MED12L: variants seen among roughly 807,000 people sequenced by gnomAD.
The protein encoded by MED12L is mediator of RNA polymerase II transcription subunit 12-like protein.
Under a neutral mutation model 281.3 loss-of-function variants are expected in MED12L, and 60 were observed. That is an observed-to-expected ratio of 0.21 (90% confidence interval 0.17 to 0.26). The LOEUF is 0.26. Among genes scored for constraint, MED12L ranks in the 10% least tolerant of loss-of-function variants. MED12L has a pLI of 1.00. For synonymous variants in MED12L, 974 were observed against 987.2 expected (o/e 0.99, Z 0.25); for missense variants, 2,146 against 2,680.9 (o/e 0.80, Z 4.41).
chr3:151,394,857 C>G lies in MED12L; in HGVS notation c.5810C>G (p.Pro1937Arg). ...QRLLRQAQTR[P>R]FQQGQPGDQA... ...CTTCTCAGGCAAGCCCAGACTCGGCCTTTCCAACAGGTTTGTCCAGACCCC... is the reference window on the plus strand; with the variant it reads ...CTTCTCAGGCAAGCCCAGACTCGGCGTTTCCAACAGGTTTGTCCAGACCCC... The change falls in exon 39 of 45, where the codon CCT (proline) becomes CGT (arginine). Residue 1937 changes from proline to arginine, a missense_variant. Transcript: ENST00000687756. 2 of 1,614,024 alleles carry G rather than the reference C, an allele frequency of 1.2e-6. No individual in the cohort carries two copies. The highest frequency in any genetic ancestry group is 1.1e-5 in the South Asian group (1 of 91,072).
At chr3:151,235,719 A>G (rs555513636) in intron 16 of MED12L, among the ~76,000 whole-genome samples, 10 of 107,476 alleles carry the variant, frequency 9.3e-5, no homozygotes, top group East Asian at 2.9e-4. Context: ...AAATAAATAA[A>G]TAAGTAAAAG....
intron 11 of MED12L, among the ~76,000 whole-genome samples, chr3:151,178,181 A>AAAAAAAAAAAAAG (rs1560124057): frequency 6.7e-5 from 10 of 149,326 alleles, no homozygotes; most frequent in South Asian, 2.1e-4. Flanking sequence ...AAAAAAAAAA[A>AAAAAAAAAAAAAG]AAAGAAAGTG....
chr3:151,127,866 A>G lies in MED12L; in HGVS notation c.438A>G (p.Leu146=). 2 of 1,612,808 alleles carry G rather than the reference A, an allele frequency of 1.2e-6. No homozygotes were observed. Among genetic ancestry groups the G allele is most frequent in the South Asian group, 2.2e-5 (2 of 91,006 alleles). The change falls in exon 5 of 45, where the codon TTA becomes TTG. Residue 146 remains leucine, a synonymous_variant. Transcript: ENST00000687756. ...LSKKEDVFAY[L]AKYSVPMVRA... ...AAAAAGAGGATGTTTTTGCATATTT[A>G]GCTAAATATTCTGTGCCAATGGTTC...
chr3:151,136,818 A>C (rs1716201703), intron 5 of MED12L, among the ~76,000 whole-genome samples: 1 of 152,186 alleles, frequency 6.6e-6, no homozygotes, highest in South Asian at 2.1e-4. Flanking sequence ...TGGGAGTAGA[A>C]ATTGTTGCAT....
At chr3:151,429,417 C>T (rs1053448856) in intron 43 of MED12L, among the ~76,000 whole-genome samples, 3 of 152,044 alleles carry the variant, frequency 2.0e-5, no homozygotes, top group East Asian at 3.9e-4. Context: ...TGTGTCAGAA[C>T]GCCTCGTTTA....
At chr3:151,087,345 G>C (rs1354952286) in intron 2 of MED12L, among the ~76,000 whole-genome samples, 1 of 152,230 alleles carries the variant, frequency 6.6e-6, no homozygotes, top group Non-Finnish European at 1.5e-5. Flanking sequence ...GTTTCTGCCT[G>C]CTTTATTTTT....
intron 16 of MED12L, chr3:151,328,362 C>G (rs1358917802): frequency 6.2e-7 from 1 of 1,611,346 alleles, no homozygotes; most frequent in South Asian, 1.1e-5. Context: ...ACTTTTTTTG[C>G]AATAACCACA....
intron 5 of MED12L, 142 bp downstream of exon 5, chr3:151,128,126 C>T: frequency 1.5e-6 from 1 of 664,926 alleles, no homozygotes. Context: ...ATGGATAGGG[C>T]AGCTGTTCCT....
At chr3:151,173,681 C>A (rs906420251) in intron 11 of MED12L, among the ~76,000 whole-genome samples, 2 of 152,204 alleles carry the variant, frequency 1.3e-5, no homozygotes, top group Non-Finnish European at 2.9e-5. Flanking sequence ...GATTTTCAGT[C>A]TTCATTTTGC....
At chr3:151,321,775 C>G (rs1445183942) in intron 16 of MED12L, among the ~76,000 whole-genome samples, 1 of 151,654 alleles carries the variant, frequency 6.6e-6, no homozygotes, top group Non-Finnish European at 1.5e-5. Flanking sequence ...ATTTAATTTC[C>G]TTTCTCTTTC....
At position 151,355,939 on chromosome 3, in the gene MED12L, G is replaced by A. The variant is rs1381681067; in HGVS notation, c.2561G>A (p.Gly854Glu). Residue 854 changes from glycine to glutamate, a missense_variant, in exon 19 of 45, where the codon GGA becomes GAA. Gly to Glu is a moderately conservative substitution (Grantham distance 98, BLOSUM62 -2). Coordinates refer to ENST00000687756, the MANE Select transcript of MED12L (RefSeq NM_001393769.1). ...GAACAAATCACAAGCTTTGCGTCAG[G>A]AACATCCTATCATCTCCCTTTGGCT... is the stretch of plus-strand genomic sequence containing the variant. ...VLEQITSFAS[G>E]TSYHLPLAHH... is the part of the protein sequence containing the mutation. The A allele has an allele frequency of 6.2e-7, 1 of 1,613,962 alleles. No individual in the cohort carries two copies. The highest frequency in any genetic ancestry group is 1.7e-5 in the Admixed American group (1 of 59,956).
chr3:151,188,561 G>T, intron 13 of MED12L, 81 bp downstream of exon 13: 2 of 1,373,342 alleles, frequency 1.5e-6, no homozygotes, highest in Non-Finnish European at 9.9e-7. Context: ...TAAAAATTTA[G>T]ATCTTATTTA....
At chr3:151,274,428 G>C (rs1741511818) in intron 16 of MED12L, among the ~76,000 whole-genome samples, 1 of 152,114 alleles carries the variant, frequency 6.6e-6, no homozygotes, top group African/African-American at 2.4e-5. Context: ...AGTGCTTATA[G>C]GCATATTTAT....
chr3:151,175,890 C>G (rs1721981701), intron 11 of MED12L, among the ~76,000 whole-genome samples: 1 of 152,086 alleles, frequency 6.6e-6, no homozygotes. Context: ...TACTATTTTG[C>G]CACTGTAGAT....
chr3:151,138,954 C>A (rs75642504), intron 5 of MED12L, among the ~76,000 whole-genome samples: 2,777 of 151,834 alleles, frequency 0.018, 87 homozygotes, highest in African/African-American at 0.065. Flanking sequence ...ATTTAAAATT[C>A]TTCTGCATGG....
rs547222516 is a variant in MED12L at position 151,122,857 on chromosome 3, A to G, written c.279A>G (p.Lys93=). ...LNTFQDTGKK[K]PQVNAKDNYW... Reference sequence around the variant, plus strand: ...CTTTCCAGGACACGGGAAAGAAGAAACCACAAGTTAATGCTAAAGATAATT... The same window carrying G: ...CTTTCCAGGACACGGGAAAGAAGAAGCCACAAGTTAATGCTAAAGATAATT... The change falls in exon 4 of 45, where the codon AAA becomes AAG. Residue 93 remains lysine (K), a synonymous_variant. Coordinates refer to ENST00000687756, the MANE Select transcript of MED12L (RefSeq NM_001393769.1). 6.2e-7 allele frequency: 1 copy of G among 1,612,684 alleles called. No homozygotes were observed. The highest frequency in any genetic ancestry group is 2.2e-5 in the East Asian group (1 of 44,868).
intron 16 of MED12L, among the ~76,000 whole-genome samples, chr3:151,238,895 G>C (rs537385071): frequency 1.3e-5 from 2 of 152,242 alleles, no homozygotes; most frequent in South Asian, 4.2e-4. Context: ...ATTTTTCATG[G>C]AACACCATTT....
intron 16 of MED12L, among the ~76,000 whole-genome samples, chr3:151,202,933 A>G (rs1256595092): frequency 6.6e-6 from 1 of 152,204 alleles, no homozygotes; most frequent in Admixed American, 6.5e-5. Context: ...CATCAGATAT[A>G]AGAAAATTAT....
intron 5 of MED12L, among the ~76,000 whole-genome samples, chr3:151,141,107 T>TCAA (rs1379662955): frequency 6.6e-6 from 1 of 151,830 alleles, no homozygotes; most frequent in East Asian, 1.9e-4. Flanking sequence ...GACCTTGTGA[T>TCAA]CCACCTGCCT....
Sources: allele counts gnomAD v4.1 joint callset (sites outside exome capture counted in the v4.1 genomes callset), GRCh38; gene constraint gnomAD v4.1.1; transcripts MANE v1.5; gene names NCBI Gene and HGNC (gene_info 2026-07-23, HGNC 2026-07-21).